ATRNL1: variants seen among roughly 807,000 people sequenced by gnomAD.
ATRNL1 encodes attractin like 1.
ATRNL1 carries 95 observed loss-of-function variants against 182.7 expected under a neutral mutation model. That is an observed-to-expected ratio of 0.52 (90% CI 0.44 to 0.62). ATRNL1 has a LOEUF of 0.62. Among genes scored for constraint, ATRNL1 ranks in the 20% least tolerant of loss-of-function variants. The pLI is 0.00. For synonymous variants in ATRNL1, 576 were observed against 568.3 expected, an observed-to-expected ratio of 1.01 and a Z score of -0.19; for missense variants, 1,471 against 1,679.5, an observed-to-expected ratio of 0.88 and a Z score of 2.17.
At chr10:115,806,463 G>T (rs576424440) in intron 27 of ATRNL1, among the ~76,000 whole-genome samples, 265 of 152,194 alleles carry the variant, frequency 1.7e-3, no homozygotes, top group African/African-American at 6.3e-3. Flanking sequence ...GAAAGAGGGG[G>T]TGGCCGGCAA....
At chr10:115,823,702 T>G (rs1191986267) in intron 27 of ATRNL1, among the ~76,000 whole-genome samples, 1 of 152,122 alleles carries the variant, frequency 6.6e-6, no homozygotes, top group Non-Finnish European at 1.5e-5. Context: ...ATGAAATACC[T>G]AGGCATACAA....
chr10:115,120,230 T>C lies in ATRNL1; in HGVS notation c.339T>C (p.Tyr113=). Residue 113 remains tyrosine (Y), a synonymous_variant, in exon 2 of 29, where the codon TAT becomes TAC. Coordinates refer to ENST00000355044, the MANE Select transcript of ATRNL1 (RefSeq NM_207303.4). ...SGYLTDGPIN[Y]KYKTKCTWLI... is the part of the protein sequence containing the mutation. ...ATTTAACAGATGGCCCAATTAACTATAAATATAAAACTAAATGTACTTGGC... is the reference window on the plus strand; with the variant it reads ...ATTTAACAGATGGCCCAATTAACTACAAATATAAAACTAAATGTACTTGGC... 6.3e-7 allele frequency: 1 copy of C among 1,578,234 alleles called. No individual in the cohort carries two copies.
At chr10:115,312,274 T>C (rs531631954) in intron 17 of ATRNL1, among the ~76,000 whole-genome samples, 49 of 152,298 alleles carry the variant, frequency 3.2e-4, no homozygotes, top group Non-Finnish European at 6.3e-4. Context: ...TAGAACTCTT[T>C]TTAGCTTTTC....
intron 19 of ATRNL1, among the ~76,000 whole-genome samples, chr10:115,343,556 T>A (rs1855843167): frequency 1.3e-5 from 2 of 152,200 alleles, no homozygotes; most frequent in African/African-American, 4.8e-5. Flanking sequence ...TTTCTTTGAG[T>A]TTCGTGAACA....
In ATRNL1 at chr10:115,165,585, T is replaced by G. The variant is rs781805610; in HGVS notation, c.1032T>G (p.Asn344Lys). Residue 344 changes from asparagine (N) to lysine (K), a missense_variant, in exon 7 of 29, where the codon AAT (asparagine) becomes AAG (lysine). Around this residue, in one of 3 missense-constraint regions of ATRNL1, gnomAD observed 1,031 missense variants for 1,156.0 expected, o/e 0.89. Coordinates refer to ENST00000355044, the MANE Select transcript of ATRNL1 (RefSeq NM_207303.4). ...ACAATTTAGAAAGCAGTATATGGAA[T>G]GTAGGAACTCCATCAAGGGGACCTC... Reference protein sequence around the residue: ...LNYNLESSIWNVGTPSRGPLQ... With the variant: ...LNYNLESSIWKVGTPSRGPLQ... 1 of 1,537,294 alleles carries G rather than the reference T, an allele frequency of 6.5e-7. No homozygotes were observed. The highest frequency in any genetic ancestry group is 8.8e-7 in the Non-Finnish European group (1 of 1,131,616).
chr10:115,424,036 T>C (rs586227), intron 20 of ATRNL1, among the ~76,000 whole-genome samples: 57,931 of 151,974 alleles, frequency 0.38, 12,236 homozygotes, highest in African/African-American at 0.57. Flanking sequence ...ATGCATCTGA[T>C]AAGGGATTAA....
At chr10:115,428,642 G>T (rs1467964284) in intron 21 of ATRNL1, among the ~76,000 whole-genome samples, 1 of 151,930 alleles carries the variant, frequency 6.6e-6, no homozygotes. Flanking sequence ...ATGATTATCA[G>T]AAATTTCTAT....
intron 8 of ATRNL1, among the ~76,000 whole-genome samples, chr10:115,202,412 A>T (rs1207327362): frequency 4.1e-4 from 62 of 151,892 alleles, no homozygotes; most frequent in African/African-American, 1.4e-3. Flanking sequence ...TCCCATCAAT[A>T]CCTAATTTAT....
intron 26 of ATRNL1, among the ~76,000 whole-genome samples, chr10:115,633,395 A>G (rs1555027034): frequency 6.6e-6 from 1 of 152,166 alleles, no homozygotes; most frequent in African/African-American, 2.4e-5. Flanking sequence ...CTTGTCTTGG[A>G]CAGTTTCTTA....
chr10:115,374,133 A>C (rs1347247470), intron 19 of ATRNL1, among the ~76,000 whole-genome samples: 7 of 151,712 alleles, frequency 4.6e-5, no homozygotes, highest in Non-Finnish European at 1.0e-4. Flanking sequence ...ATTTCTTATA[A>C]GTGATTCTAT....
chr10:115,878,135 T>C (rs1951740790), intron 28 of ATRNL1, among the ~76,000 whole-genome samples: 1 of 152,240 alleles, frequency 6.6e-6, no homozygotes, highest in Admixed American at 6.5e-5. Flanking sequence ...GCTTTACATA[T>C]GGTTCTGATG....
intron 19 of ATRNL1, among the ~76,000 whole-genome samples, chr10:115,339,177 T>A (rs1385825376): frequency 6.6e-6 from 1 of 152,182 alleles, no homozygotes; most frequent in Non-Finnish European, 1.5e-5. Context: ...TTCTTTTTGC[T>A]TTGGATAGCT....
intron 28 of ATRNL1, among the ~76,000 whole-genome samples, chr10:115,850,839 C>T (rs1951037762): frequency 6.6e-6 from 1 of 152,118 alleles, no homozygotes; most frequent in Non-Finnish European, 1.5e-5. Context: ...GAGCCTCCTC[C>T]ACTATTTGTG....
chr10:115,649,659 G>T (rs1214431518), intron 26 of ATRNL1, among the ~76,000 whole-genome samples: 1 of 152,074 alleles, frequency 6.6e-6, no homozygotes, highest in African/African-American at 2.4e-5. Flanking sequence ...AAGGCACTTT[G>T]CAAATATCTG....
Position 115,394,687 on chromosome 10 carries a change from C to T in ATRNL1, c.3204C>T (p.Ile1068=). Residue 1068 remains isoleucine, a synonymous_variant, in exon 20 of 29, where the codon ATC becomes ATT. Coordinates refer to ENST00000355044, the MANE Select transcript of ATRNL1 (RefSeq NM_207303.4). ...GTACATGCAGTGGCCATGCAAATAT[C>T]TGTCATCTGCACACAGGAAAATGTT... is the stretch of plus-strand genomic sequence containing the variant. ...TACTCSGHAN[I]CHLHTGKCFC... is the part of the protein sequence containing the mutation. 8 of 1,611,712 alleles carry T rather than the reference C, an allele frequency of 5.0e-6. No individual in the cohort carries two copies. Among genetic ancestry groups the T allele is most frequent in the Non-Finnish European group, 6.8e-6 (8 of 1,178,538 alleles).
intron 5 of ATRNL1, among the ~76,000 whole-genome samples, chr10:115,155,716 T>C (rs778419644): frequency 6.6e-6 from 1 of 152,176 alleles, no homozygotes; most frequent in Admixed American, 6.6e-5. Context: ...TTTATTATGA[T>C]GGGAAGTCAC....
intron 28 of ATRNL1, among the ~76,000 whole-genome samples, chr10:115,893,529 A>G (rs1375248495): frequency 6.6e-6 from 1 of 152,232 alleles, no homozygotes; most frequent in East Asian, 1.9e-4. Flanking sequence ...ATGATATAGC[A>G]TAATTCGTTC....
intron 27 of ATRNL1, among the ~76,000 whole-genome samples, chr10:115,791,956 T>C (rs1254089169): frequency 6.6e-6 from 1 of 152,176 alleles, no homozygotes; most frequent in East Asian, 1.9e-4. Flanking sequence ...GAAAACCTCA[T>C]GCTTATCTGG....
At chr10:115,328,117 CA>C (rs1554933953) in intron 18 of ATRNL1, among the ~76,000 whole-genome samples, 6 of 151,778 alleles carry the variant, frequency 4.0e-5, no homozygotes, top group African/African-American at 1.4e-4. Context: ...AAAAAAGAAA[CA>C]GTACCTTAAG....
Sources: gnomAD v4.1 joint callset for allele counts (sites outside exome capture counted in the v4.1 genomes callset) on GRCh38, gnomAD v4.1.1 for gene constraint, gnomAD v4.1.1 regional missense constraint, MANE v1.5 for transcripts, NCBI Gene and HGNC (gene_info 2026-07-23, HGNC 2026-07-21) for gene names.